Variants in ASTN2 observed in about 807,000 individuals in gnomAD.
The protein encoded by ASTN2 is astrotactin 2.
In ASTN2, 54 loss-of-function variants were observed where a neutral mutation model predicts 139.8. That is an observed-to-expected ratio of 0.39 (90% CI 0.31 to 0.48). The LOEUF (loss-of-function observed/expected upper bound fraction) is 0.48. Among genes scored for constraint, ASTN2 ranks in the 20% least tolerant of loss-of-function variants. The probability of loss-of-function intolerance (pLI) is 0.95; values close to 1 mark genes in which losing one functional copy is unlikely to be tolerated. For synonymous variants in ASTN2, 756 were observed against 719.5 expected (o/e 1.05, Z -0.81); for missense variants, 1,565 against 1,725.1 (o/e 0.91, Z 1.64).
chr9:116,533,550 A>G (rs1050127339), intron 19 of ASTN2, among the ~76,000 whole-genome samples: 1 of 152,166 alleles, frequency 6.6e-6, no homozygotes, highest in Non-Finnish European at 1.5e-5. Context: ...CACCTAATTT[A>G]CTGAGATTTT....
chr9:117,225,220 G>A (rs1832663548), intron 2 of ASTN2, among the ~76,000 whole-genome samples: 1 of 151,924 alleles, frequency 6.6e-6, no homozygotes, highest in Non-Finnish European at 1.5e-5. Context: ...ACATCTGTCT[G>A]GCAGTCCTCC....
intron 19 of ASTN2, among the ~76,000 whole-genome samples, chr9:116,565,286 G>A (rs1310703388): frequency 7.5e-6 from 1 of 132,756 alleles, no homozygotes; most frequent in African/African-American, 2.9e-5. Context: ...AGATTAACAA[G>A]TAAACAAATA....
chr9:116,680,418 G>C (rs1032283905), intron 16 of ASTN2, among the ~76,000 whole-genome samples: 1 of 152,126 alleles, frequency 6.6e-6, no homozygotes, highest in Non-Finnish European at 1.5e-5. Context: ...GGACCAGATG[G>C]ATTCACAGCC....
At chr9:117,158,099 A>C (rs758758088) in intron 3 of ASTN2, among the ~76,000 whole-genome samples, 2 of 152,082 alleles carry the variant, frequency 1.3e-5, no homozygotes, top group Non-Finnish European at 2.9e-5. Context: ...AAAATAAAAA[A>C]ATAGAAAAAA....
At chr9:116,486,639 C>T (rs1441196603) in intron 20 of ASTN2, among the ~76,000 whole-genome samples, 1 of 152,090 alleles carries the variant, frequency 6.6e-6, no homozygotes, top group Non-Finnish European at 1.5e-5. Context: ...AATTGGGGTA[C>T]ATAAGGAGAG....
chr9:117,281,517 T>C (rs1468560433), intron 2 of ASTN2, among the ~76,000 whole-genome samples: 1 of 152,184 alleles, frequency 6.6e-6, no homozygotes, highest in African/African-American at 2.4e-5. Flanking sequence ...ATTTGGGGCA[T>C]ATGAGAAAGG....
intron 1 of ASTN2, among the ~76,000 whole-genome samples, chr9:117,306,345 C>A (rs913162571): frequency 2.0e-5 from 3 of 152,136 alleles, no homozygotes; most frequent in African/African-American, 4.8e-5. Flanking sequence ...TCAGAGAGAA[C>A]AGGGGAGTTA....
intron 1 of ASTN2, among the ~76,000 whole-genome samples, chr9:117,345,865 C>G (rs1010602039): frequency 4.6e-5 from 7 of 151,968 alleles, no homozygotes; most frequent in African/African-American, 1.7e-4. Context: ...CACCAATATC[C>G]TCAATTCTGC....
intron 3 of ASTN2, among the ~76,000 whole-genome samples, chr9:117,186,213 G>C (rs888838279): frequency 3.9e-5 from 6 of 152,140 alleles, no homozygotes; most frequent in Non-Finnish European, 7.4e-5. Context: ...CACACAACTT[G>C]GCCCATATAG....
intron 19 of ASTN2, among the ~76,000 whole-genome samples, chr9:116,590,334 T>C (rs761169513): frequency 6.6e-6 from 1 of 152,188 alleles, no homozygotes; most frequent in Non-Finnish European, 1.5e-5. Flanking sequence ...CAATTTCAGA[T>C]CAAAGTTGAG....
chr9:116,680,371 G>T (rs372469007), intron 16 of ASTN2, among the ~76,000 whole-genome samples: 1 of 152,192 alleles, frequency 6.6e-6, no homozygotes, highest in African/African-American at 2.4e-5. Context: ...CTGAAATTGT[G>T]GCAATAATCA....
At position 116,866,440 on chromosome 9, in the gene ASTN2, G is replaced by T. The variant is rs1833014855; in HGVS notation, c.1890-2707C>A. On this transcript the variant is annotated intron_variant, in intron 10 of 22. Transcript: ENST00000313400. ...GCTTCCTAACTTTGTAGGGAGTGAG[G>T]TGACAGGTTTATGGGAGGAAAGAAT... Among the ~76,000 whole-genome samples the T allele has an allele frequency of 2.0e-5, 3 of 152,176 alleles. No individual in the cohort carries two copies. The South Asian group carries it at 6.2e-4, about 32-fold the overall frequency.
In ASTN2 at chr9:116,801,538, C is replaced by T. The variant is rs113873402; in HGVS notation, c.2396+4094G>A. Among the ~76,000 whole-genome samples the T allele has an allele frequency of 6.3e-3, 739 of 117,828 alleles. 9 individuals are homozygous for T. The highest frequency in any genetic ancestry group is 0.022 in the African/African-American group (690 of 31,450). The allele number at this position is 117,828 out of a possible 152,430, so 77.3% of individuals were successfully genotyped here. A position where few individuals can be genotyped will look rare whatever the true frequency, so the allele number is the denominator to read the frequency against. On this transcript the variant is annotated intron_variant, in intron 13 of 22. Transcript: ENST00000313400. The stretch of plus-strand genomic sequence containing the variant: ...AGGTTACAGTGAGCCAAGATCATGT[C>T]ACTGCACTCCACATTCCAGCCCAGG...
chr9:117,012,288 G>A (rs1837559483), intron 6 of ASTN2, among the ~76,000 whole-genome samples: 1 of 152,092 alleles, frequency 6.6e-6, no homozygotes, highest in Non-Finnish European at 1.5e-5. Flanking sequence ...CACTATCGTG[G>A]CTCCTGAGCT....
At chr9:116,891,905 C>T (rs1225931393) in intron 10 of ASTN2, among the ~76,000 whole-genome samples, 2 of 152,156 alleles carry the variant, frequency 1.3e-5, no homozygotes, top group Non-Finnish European at 2.9e-5. Flanking sequence ...GAGCTGATTG[C>T]ATTGGAAATA....
chr9:116,516,671 CTG>C (rs1295019789), intron 19 of ASTN2, among the ~76,000 whole-genome samples: 1 of 152,212 alleles, frequency 6.6e-6, no homozygotes, highest in Non-Finnish European at 1.5e-5. Flanking sequence ...TGACAAAAAA[CTG>C]TGAGTCAGCT....
intron 7 of ASTN2, among the ~76,000 whole-genome samples, chr9:117,005,723 C>T (rs1837335064): frequency 6.6e-6 from 1 of 151,360 alleles, no homozygotes; most frequent in East Asian, 1.9e-4. Context: ...TATCCTATTC[C>T]CCAGTACATA....
intron 19 of ASTN2, among the ~76,000 whole-genome samples, chr9:116,566,450 A>T (rs968079481): frequency 6.6e-6 from 1 of 152,078 alleles, no homozygotes; most frequent in African/African-American, 2.4e-5. Flanking sequence ...TCTCCTCTGT[A>T]TGGGGCCCAT....
At chr9:116,437,462 G>T in intron 22 of ASTN2, 1 of 471,380 alleles carries the variant, frequency 2.1e-6, no homozygotes, top group Middle Eastern at 3.2e-4. Flanking sequence ...ACAGTGGCTG[G>T]TGACTGCCTG....
Sources: allele counts gnomAD v4.1 joint callset (sites outside exome capture counted in the v4.1 genomes callset), GRCh38; gene constraint gnomAD v4.1.1; transcripts MANE v1.5; gene names NCBI Gene and HGNC (gene_info 2026-07-23, HGNC 2026-07-21).